PRRG1: variants seen among roughly 807,000 people sequenced by gnomAD.
PRRG1 encodes proline rich and Gla domain 1, also known as transmembrane gamma-carboxyglutamic acid protein 1.
A neutral mutation model predicts 11.8 loss-of-function variants in PRRG1; 5 were observed. The ratio of observed to expected loss-of-function variants is 0.42; its 90% CI spans 0.22 to 0.89. PRRG1 has a LOEUF of 0.89. Among genes scored for constraint, PRRG1 ranks in the 40% least tolerant of loss-of-function variants. PRRG1 has a pLI of 0.28. For missense variants in PRRG1, 155 were observed against 166.1 expected, an observed-to-expected ratio of 0.93 and a Z score of 0.37; for synonymous variants, 66 against 60.4, an observed-to-expected ratio of 1.09 and a Z score of -0.43.
chrX:37,415,994 A>G (rs1556385092), intron 2 of PRRG1, among the ~76,000 whole-genome samples: 1 of 111,898 alleles, frequency 8.9e-6, no homozygotes, highest in Non-Finnish European at 1.9e-5. Flanking sequence ...AGATTTTTCT[A>G]CTGTGTTCAG....
At chrX:37,432,249 G>A (rs1436353914) in intron 3 of PRRG1, among the ~76,000 whole-genome samples, 1 of 110,180 alleles carries the variant, frequency 9.1e-6, no homozygotes, top group Non-Finnish European at 1.9e-5. Flanking sequence ...CACCACGCCC[G>A]GCTAATTTTT....
intron 2 of PRRG1, among the ~76,000 whole-genome samples, chrX:37,414,592 C>T (rs1238582760): frequency 1.8e-5 from 2 of 112,853 alleles, no homozygotes; most frequent in Non-Finnish European, 3.8e-5. Context: ...GCCCCTGGTA[C>T]ATAACACCTC....
intron 1 of PRRG1, among the ~76,000 whole-genome samples, chrX:37,365,168 A>T (rs1230240125): frequency 3.6e-5 from 4 of 111,831 alleles, no homozygotes; most frequent in Non-Finnish European, 7.5e-5. Context: ...GTTTGGAAGA[A>T]GGAGTCGGGG....
chrX:37,380,797 G>A (rs987139885), intron 1 of PRRG1, among the ~76,000 whole-genome samples: 5 of 111,083 alleles, frequency 4.5e-5, no homozygotes, highest in African/African-American at 9.8e-5. Flanking sequence ...ATTGTTTCCC[G>A]ACAGTTAGAC....
chrX:37,417,121 C>G (rs968664574), intron 2 of PRRG1, among the ~76,000 whole-genome samples: 22 of 111,419 alleles, frequency 2.0e-4, no homozygotes, highest in African/African-American at 7.2e-4. Flanking sequence ...CACACTTTTT[C>G]CAGGAAACCT....
chrX:37,359,454 C>T (rs782264845), intron 1 of PRRG1, among the ~76,000 whole-genome samples: 5 of 110,584 alleles, frequency 4.5e-5, no homozygotes, highest in East Asian at 5.6e-4. Flanking sequence ...AATTGGTTTT[C>T]GAATATTGAA....
At chrX:37,443,608 G>C (rs1207935413) in intron 3 of PRRG1, among the ~76,000 whole-genome samples, 12 of 111,705 alleles carry the variant, frequency 1.1e-4, no homozygotes, top group East Asian at 2.8e-4. Flanking sequence ...CCTTATTCCA[G>C]ACCATGGCCC....
intron 3 of PRRG1, among the ~76,000 whole-genome samples, chrX:37,430,740 G>C (rs1932819256): frequency 9.0e-6 from 1 of 111,520 alleles, no homozygotes; most frequent in Non-Finnish European, 1.9e-5. Flanking sequence ...TTACATAACT[G>C]TAAGATCAAA....
intron 2 of PRRG1, among the ~76,000 whole-genome samples, chrX:37,407,261 A>G (rs1250722758): frequency 2.7e-5 from 3 of 110,078 alleles, no homozygotes; most frequent in Admixed American, 1.9e-4. Flanking sequence ...GGTCTTTGCT[A>G]TTCATTTACA....
intron 3 of PRRG1, among the ~76,000 whole-genome samples, chrX:37,448,612 A>G: frequency 8.9e-6 from 1 of 111,894 alleles, no homozygotes; most frequent in East Asian, 2.8e-4. Flanking sequence ...CCCATAATTA[A>G]TTGAAACAGC....
rs1491489103 is a variant in PRRG1, at chrX:37,376,549, G to GTATATATA, written c.-42+27155_-42+27156insATATATAT. ...GTTCAGTGTTTAGTCAGAAATGTGA[G>GTATATATA]TGTATATATATATATATATATATGT... On this transcript the variant is annotated intron_variant, in intron 1 of 3. Coordinates refer to ENST00000378628, the MANE Select transcript of PRRG1 (RefSeq NM_001142395.2). Among the ~76,000 whole-genome samples, 148 of 16,025 alleles carry GTATATATA rather than the reference G, an allele frequency of 9.2e-3. 17 individuals are homozygous for GTATATATA. Among genetic ancestry groups the GTATATATA allele is most frequent in the East Asian group, 0.027 (6 of 224 alleles). The allele number at this position is 16,025 out of a possible 115,157, so 13.9% of individuals were successfully genotyped here. A position where few individuals can be genotyped will look rare whatever the true frequency, so the allele number is the denominator to read the frequency against.
chrX:37,371,439 T>C (rs1299412702), intron 1 of PRRG1, among the ~76,000 whole-genome samples: 1 of 112,311 alleles, frequency 8.9e-6, no homozygotes, highest in Non-Finnish European at 1.9e-5. Context: ...AACCCACCAA[T>C]GGCAGGGCAA....
intron 1 of PRRG1, among the ~76,000 whole-genome samples, chrX:37,360,865 C>A (rs56911976): frequency 0.21 from 23,374 of 111,768 alleles, 2,595 homozygotes; most frequent in African/African-American, 0.43. Context: ...CTTTTTGAAT[C>A]TCCTAAGGAA....
At chrX:37,370,141 T>A (rs1160659445) in intron 1 of PRRG1, among the ~76,000 whole-genome samples, 1 of 111,620 alleles carries the variant, frequency 9.0e-6, no homozygotes, top group Non-Finnish European at 1.9e-5. Flanking sequence ...TTCAGGTTTA[T>A]CCATGTTGCT....
Position 37,453,449 on chromosome X carries a change from G to A in PRRG1, c.485G>A (p.Arg162His), listed in dbSNP as rs782128331. ...GGGCGCTCAGATTCCGTCTCTACTCGCCTGTCCAATTGTGATCCCCCGCCA... is the reference window on the plus strand; with the variant it reads ...GGGCGCTCAGATTCCGTCTCTACTCACCTGTCCAATTGTGATCCCCCGCCA... Reference protein sequence around the residue: ...VVGRSDSVSTRLSNCDPPPTY... With the variant: ...VVGRSDSVSTHLSNCDPPPTY... Residue 162 changes from arginine to histidine, a missense_variant, in exon 4 of 4, where the codon CGC (arginine) becomes CAC (histidine). Arg to His is a conservative substitution (Grantham distance 29, BLOSUM62 0). Coordinates refer to ENST00000378628, the MANE Select transcript of PRRG1 (RefSeq NM_001142395.2). 6.6e-5 allele frequency: 80 copies of A among 1,205,474 alleles called. No homozygotes were observed. In the East Asian group the frequency reaches 1.3e-3, roughly 20 times the overall value.
intron 1 of PRRG1, among the ~76,000 whole-genome samples, chrX:37,400,328 A>G (rs1212019664): frequency 8.9e-6 from 1 of 111,780 alleles, no homozygotes; most frequent in Non-Finnish European, 1.9e-5. Flanking sequence ...ATTAAGAAAC[A>G]CACTCAAAAC....
intron 2 of PRRG1, among the ~76,000 whole-genome samples, chrX:37,424,590 A>G (rs891683068): frequency 9.1e-6 from 1 of 110,182 alleles, no homozygotes; most frequent in Non-Finnish European, 1.9e-5. Flanking sequence ...CATAATCATA[A>G]TCTATTCTCT....
At chrX:37,361,890 G>T (rs1264078423) in intron 1 of PRRG1, among the ~76,000 whole-genome samples, 1 of 112,143 alleles carries the variant, frequency 8.9e-6, no homozygotes, top group Non-Finnish European at 1.9e-5. Context: ...GAAAAAGCAG[G>T]AAAAGTCAGA....
intron 1 of PRRG1, among the ~76,000 whole-genome samples, chrX:37,382,855 C>G (rs944123905): frequency 1.7e-4 from 19 of 108,786 alleles, no homozygotes; most frequent in African/African-American, 6.0e-4. Flanking sequence ...GAGGATTGGT[C>G]ATTTTTAATC....
Sources: allele counts gnomAD v4.1 joint callset (sites outside exome capture counted in the v4.1 genomes callset), GRCh38; gene constraint gnomAD v4.1.1; transcripts MANE v1.5; gene names NCBI Gene and HGNC (gene_info 2026-07-23, HGNC 2026-07-21).